Variants in FNBP1 observed in about 807,000 individuals in gnomAD.
The protein encoded by FNBP1 is formin binding protein 1, also known as formin-binding protein 1.
Under a neutral mutation model 90.6 loss-of-function variants are expected in FNBP1, and 26 were observed. The ratio of observed to expected loss-of-function variants is 0.29; its 90% CI spans 0.21 to 0.40. The LOEUF is 0.40. Ranked by LOEUF, FNBP1 falls within the 10% of genes least tolerant of loss-of-function variation. The pLI, the probability that FNBP1 is intolerant of heterozygous loss-of-function variation, is 1.00. For synonymous variants in FNBP1, 260 were observed against 265.2 expected (o/e 0.98, Z 0.19); for missense variants, 635 against 768.0 (o/e 0.83, Z 2.05).
At chr9:129,906,807 G>C (rs985664703) in intron 12 of FNBP1, among the ~76,000 whole-genome samples, 1 of 151,802 alleles carries the variant, frequency 6.6e-6, no homozygotes, top group Non-Finnish European at 1.5e-5. Context: ...TTGAGACAGA[G>C]TCTCGCTCTG....
At chr9:130,038,221 G>A (rs2059503490) in intron 1 of FNBP1, among the ~76,000 whole-genome samples, 2 of 151,654 alleles carry the variant, frequency 1.3e-5, no homozygotes, top group African/African-American at 4.8e-5. Context: ...CGGGCGTGGT[G>A]GCGGGCGCCT....
intron 1 of FNBP1, among the ~76,000 whole-genome samples, chr9:130,021,002 C>T (rs887738757): frequency 2.6e-5 from 4 of 152,124 alleles, no homozygotes; most frequent in Non-Finnish European, 4.4e-5. Flanking sequence ...AACATCACTG[C>T]TGCTTGCTTG....
chr9:129,947,168 C>T (rs1291357168), intron 6 of FNBP1, among the ~76,000 whole-genome samples: 1 of 152,058 alleles, frequency 6.6e-6, no homozygotes, highest in Non-Finnish European at 1.5e-5. Context: ...AGGCTGGGCA[C>T]GGTGGCTCAC....
chr9:130,040,226 T>C (rs1207516205), intron 1 of FNBP1, among the ~76,000 whole-genome samples: 1 of 152,194 alleles, frequency 6.6e-6, no homozygotes, highest in Non-Finnish European at 1.5e-5. Flanking sequence ...CCTGAAAACT[T>C]AGATTTTGCA....
At chr9:130,037,612 G>A (rs1336952040) in intron 1 of FNBP1, among the ~76,000 whole-genome samples, 1 of 151,954 alleles carries the variant, frequency 6.6e-6, no homozygotes, top group South Asian at 2.1e-4. Context: ...AACAGAGAAG[G>A]GATAATTTTT....
intron 10 of FNBP1, among the ~76,000 whole-genome samples, chr9:129,917,542 C>G (rs1023708712): frequency 6.6e-6 from 1 of 151,886 alleles, no homozygotes. Context: ...ACCATGTTGC[C>G]CAGGTTGATA....
chr9:130,024,687 G>C (rs1055422458), intron 1 of FNBP1, among the ~76,000 whole-genome samples: 1 of 152,078 alleles, frequency 6.6e-6, no homozygotes, highest in African/African-American at 2.4e-5. Flanking sequence ...CATAATCCAA[G>C]GAAAGTGAGA....
Position 130,042,943 on chromosome 9 carries a change from C to A in FNBP1, c.24+9G>T. 1 of 1,230,030 alleles carries A rather than the reference C, an allele frequency of 8.1e-7. No individual in the cohort carries two copies. The highest frequency in any genetic ancestry group is 3.9e-5 in the South Asian group (1 of 25,906). The allele number at this position is 1,230,030 out of a possible 1,614,324, so 76.2% of individuals were successfully genotyped here. A position where few individuals can be genotyped will look rare whatever the true frequency, so the allele number is the denominator to read the frequency against. ...CCGCATCTGCCCGCGGGCCCAGCCC[C>A]TCACTCACCCAGAGCTCGGTGCCCC... On this transcript the variant is annotated intron_variant, in intron 1 of 16. Transcript: ENST00000446176. The surrounding 1 kb of genome is among the most constrained non-coding windows in gnomAD (Gnocchi z 5.5).
intron 11 of FNBP1, among the ~76,000 whole-genome samples, chr9:129,914,396 A>ATT (rs1425817797): frequency 3.3e-5 from 5 of 151,940 alleles, no homozygotes; most frequent in African/African-American, 1.2e-4. Context: ...TTCAATACCA[A>ATT]GTTGGTAAAA....
At chr9:129,901,545 G>T (rs550775432) in intron 13 of FNBP1, among the ~76,000 whole-genome samples, 88 of 151,862 alleles carry the variant, frequency 5.8e-4, no homozygotes, top group Non-Finnish European at 1.2e-3. Flanking sequence ...TCAAAAAAAA[G>T]AATAATAATA....
At chr9:129,895,598 T>C in intron 16 of FNBP1, 5 of 1,239,908 alleles carry the variant, frequency 4.0e-6, no homozygotes, top group Admixed American at 4.2e-5. Context: ...AAGTTGGCGG[T>C]TGGCAGCTTT....
chr9:129,922,949 G>A (rs1243419515), intron 10 of FNBP1, among the ~76,000 whole-genome samples: 1 of 151,864 alleles, frequency 6.6e-6, no homozygotes, highest in Non-Finnish European at 1.5e-5. Context: ...TTGAACTCCT[G>A]AGCTCAAGTA....
chr9:129,914,755 G>GTGTGTGTATATATATA (rs71499203), intron 11 of FNBP1, among the ~76,000 whole-genome samples: 10 of 98,428 alleles, frequency 1.0e-4, no homozygotes, highest in Admixed American at 2.4e-4. Flanking sequence ...ACATACATAT[G>GTGTGTGTATATATATA]TCTATATATA....
chr9:129,964,131 CAAAT>C lies in FNBP1; in HGVS notation c.346-5582_346-5579del, dbSNP rs2048236838. ...CTATTTTAACAGTTACAAAGTTAAACAAATAAACCAGCTTTGCCAGATGTATTTG... is the reference window on the plus strand; with the variant it reads ...CTATTTTAACAGTTACAAAGTTAAACAAACCAGCTTTGCCAGATGTATTTG... On this transcript the variant is annotated intron_variant, in intron 4 of 16. Coordinates refer to ENST00000446176, the MANE Select transcript of FNBP1 (RefSeq NM_015033.3). 2.6e-5 allele frequency among the ~76,000 whole-genome samples: 4 copies of C among 152,174 alleles called. No homozygotes were observed. In the South Asian group the frequency reaches 8.3e-4, roughly 32 times the overall value.
intron 6 of FNBP1, among the ~76,000 whole-genome samples, chr9:129,953,249 G>C (rs1316798375): frequency 6.6e-6 from 1 of 152,084 alleles, no homozygotes; most frequent in African/African-American, 2.4e-5. Flanking sequence ...ACTTTGGGAG[G>C]CTGAGGCGGG....
intron 4 of FNBP1, among the ~76,000 whole-genome samples, chr9:129,959,261 C>T (rs148107399): frequency 3.8e-4 from 58 of 152,062 alleles, no homozygotes; most frequent in African/African-American, 1.1e-3. Flanking sequence ...CGTGCCACTG[C>T]ACTCCAGCCT....
Position 129,909,015 on chromosome 9 carries a change from T to G in FNBP1, c.1186-16A>C. On this transcript the variant is annotated splice_polypyrimidine_tract_variant and intron_variant, in intron 11 of 16. Coordinates refer to ENST00000446176, the MANE Select transcript of FNBP1 (RefSeq NM_015033.3). ...GTGTTGCACCCTGCAGACACAAATATAAATGAGAAACCAGAAAGCCCCAGG... is the reference window on the plus strand; with the variant it reads ...GTGTTGCACCCTGCAGACACAAATAGAAATGAGAAACCAGAAAGCCCCAGG... 1 of 1,572,376 alleles carries G rather than the reference T, an allele frequency of 6.4e-7. No homozygotes were observed. The highest frequency in any genetic ancestry group is 8.8e-7 in the Non-Finnish European group (1 of 1,142,620).
chr9:129,932,155 G>C (rs1190624654), intron 6 of FNBP1, among the ~76,000 whole-genome samples: 1 of 149,646 alleles, frequency 6.7e-6, no homozygotes, highest in Admixed American at 6.6e-5. Context: ...AGGTTGCAGC[G>C]AGCCGAGATC....
upstream of FNBP1, among the ~76,000 whole-genome samples, chr9:130,046,037 G>A (rs904973620): frequency 3.3e-5 from 5 of 152,090 alleles, no homozygotes; most frequent in Admixed American, 6.6e-5. Flanking sequence ...TAAAATCTAG[G>A]GAACACTGAT....
Sources: gnomAD v4.1 joint callset for allele counts (sites outside exome capture counted in the v4.1 genomes callset) on GRCh38, gnomAD v4.1.1 for gene constraint, Gnocchi (gnomAD v3.1) non-coding constraint, MANE v1.5 for transcripts, NCBI Gene and HGNC (gene_info 2026-07-23, HGNC 2026-07-21) for gene names.